The following TRPM5 variants were observed in gnomAD, a reference collection of about 807,000 sequenced individuals.
TRPM5 encodes the protein MLSN1 and TRP-related.
Under a neutral mutation model 124.9 loss-of-function variants are expected in TRPM5, and 121 were observed. The observed-to-expected ratio is 0.97, with a 90% CI of 0.84 to 1.13. TRPM5 has a LOEUF of 1.13. Among genes scored for constraint, TRPM5 ranks in the 50% most tolerant of loss-of-function variants. The pLI is 0.00. For missense variants in TRPM5, 1,643 were observed against 1,589.1 expected (o/e 1.03, Z -0.58); for synonymous variants, 781 against 700.5 (o/e 1.11, Z -1.81).
chr11:2,418,240 G>T, exon 6 of TRPM5: 1 of 1,586,138 alleles, frequency 6.3e-7, no homozygotes, highest in East Asian at 2.3e-5. Context: ...CTGCTTCTCG[G>T]CCACCTTGGG....
At chr11:2,414,137 C>T in exon 12 of TRPM5, 1 of 1,606,874 alleles carries the variant, frequency 6.2e-7, no homozygotes, top group African/African-American at 1.3e-5. Flanking sequence ...CTTGCTCCAG[C>T]AGCGGTTCCG....
chr11:2,420,425 C>T lies in TRPM5; in HGVS notation c.466-20G>A, dbSNP rs746063061. 97 of 1,586,120 alleles carry T rather than the reference C, an allele frequency of 6.1e-5. 1 individual carries two copies. The South Asian group carries it at 8.7e-4, about 14-fold the overall frequency. ...ATCCTCCTGCGCCCATGCAGGGAGA[C>T]GAGGCTGAGCCCTCGAGAGGCAGCT... On this transcript the variant is annotated intron_variant, in intron 3 of 23. Transcript: ENST00000155858.
chr11:2,414,348 C>G (rs926128309), intron 11 of TRPM5, 142 bp from the exon 17 acceptor site: 1 of 1,229,310 alleles, frequency 8.1e-7, no homozygotes, highest in Non-Finnish European at 1.1e-6. Flanking sequence ...AGGCCTTCTG[C>G]CCCCTCCGGC....
At chr11:2,433,174 G>T in the TRPM5 span, among the ~76,000 whole-genome samples, 2 of 152,358 alleles carry the variant, frequency 1.3e-5, no homozygotes, top group East Asian at 3.9e-4. Flanking sequence ...TGTGAACAGA[G>T]GTAGAGGCCG....
At chr11:2,439,808 C>T in the TRPM5 span, among the ~76,000 whole-genome samples, 1 of 152,190 alleles carries the variant, frequency 6.6e-6, no homozygotes, top group Admixed American at 6.5e-5. Context: ...CCATTTGACC[C>T]AGCAATTCCA....
chr11:2,413,300 C>A, intron 13 of TRPM5, 74 bp from the exon 19 acceptor site: 1 of 1,417,016 alleles, frequency 7.1e-7, no homozygotes, highest in Non-Finnish European at 9.4e-7. Context: ...GGCGCTTGGC[C>A]ATCAAAGTGC....
chr11:2,438,207 T>C, the TRPM5 span, among the ~76,000 whole-genome samples: 7 of 152,184 alleles, frequency 4.6e-5, no homozygotes, highest in Non-Finnish European at 7.3e-5. This position sits in a 1 kb window ranked among gnomAD's most constrained non-coding sequence, Gnocchi z 5.9. Flanking sequence ...GAGCTGTCTA[T>C]GACAAACCCA....
At chr11:2,414,153 C>T (rs760023931) in exon 12 of TRPM5, 2 of 1,609,310 alleles carry the variant, frequency 1.2e-6, no homozygotes, top group East Asian at 4.5e-5. Flanking sequence ...TTCCGGCGCA[C>T]CAGCAGGGCG....
the TRPM5 span, among the ~76,000 whole-genome samples, chr11:2,430,077 C>T: frequency 5.9e-5 from 9 of 152,096 alleles, no homozygotes; most frequent in Non-Finnish European, 1.2e-4. Flanking sequence ...AGTTCTTCCC[C>T]AGCCAACTCT....
chr11:2,420,432 G>C (rs915127821), intron 3 of TRPM5, 27 bp from the exon 9 acceptor site: 4 of 1,567,852 alleles, frequency 2.6e-6, no homozygotes, highest in Non-Finnish European at 3.5e-6. Context: ...AGACGAGGCT[G>C]AGCCCTCGAG....
exon 21 of TRPM5, chr11:2,406,758 C>T (rs753713285): frequency 2.3e-5 from 37 of 1,613,346 alleles, no homozygotes; most frequent in East Asian, 8.9e-5. Context: ...TCCCAGGTGA[C>T]GACCTTCTGG....
In TRPM5 at chr11:2,410,323, G is replaced by A. The variant is rs528259930; in HGVS notation, c.2782+1029C>T. 1.6e-4 allele frequency among the ~76,000 whole-genome samples: 24 copies of A among 152,278 alleles called. No homozygotes were observed. In the East Asian group the frequency reaches 3.9e-3, roughly 25 times the overall value. ...GTCATCCCCTCAACAAATATTTATC[G>A]AGGGTCCTGAGCGCCACTCCACAGA... On this transcript the variant is annotated intron_variant, in intron 18 of 23. Transcript: ENST00000155858.
chr11:2,413,506 G>A, exon 13 of TRPM5: 1 of 1,612,318 alleles, frequency 6.2e-7, no homozygotes, highest in Non-Finnish European at 8.5e-7. Flanking sequence ...ATAGACGAGG[G>A]CGGGGCAGAG....
intron 8 of TRPM5, 110 bp from the exon 14 acceptor site, chr11:2,415,581 G>A: frequency 1.3e-6 from 1 of 764,112 alleles, no homozygotes; most frequent in East Asian, 2.7e-5. Flanking sequence ...CATCCCCAGG[G>A]CCAGGTCACG....
intron 18 of TRPM5, chr11:2,410,593 G>T: frequency 2.3e-6 from 1 of 427,572 alleles, no homozygotes; most frequent in Non-Finnish European, 4.7e-6. Flanking sequence ...ACAGGTCCCT[G>T]CCCCACCCCA....
At chr11:2,431,682 T>C in the TRPM5 span, among the ~76,000 whole-genome samples, 1 of 152,066 alleles carries the variant, frequency 6.6e-6, no homozygotes, top group Non-Finnish European at 1.5e-5. Flanking sequence ...CACTCTTCCT[T>C]GGAGCTCCTG....
Position 2,416,199 on chromosome 11 carries a change from A to T in TRPM5, c.1010-175T>A, listed in dbSNP as rs548198600. ...ACCAGCAGGAGGCACGAGACTTTGT[A>T]CAAACCGCAGGAGAAAGCGTGCTGC... On this transcript the variant is annotated intron_variant, in intron 7 of 23. Coordinates refer to ENST00000155858, the Ensembl canonical transcript of TRPM5. Among the ~76,000 whole-genome samples, 3 of 152,358 alleles carry T rather than the reference A, an allele frequency of 2.0e-5. No individual in the cohort carries two copies. In the East Asian group the frequency reaches 5.8e-4, roughly 29 times the overall value.
At chr11:2,412,960 C>T (rs1375667958) in exon 15 of TRPM5, 2 of 1,605,976 alleles carry the variant, frequency 1.2e-6, no homozygotes, top group Non-Finnish European at 1.7e-6. Flanking sequence ...AGGAAGACAG[C>T]ACGTGGGCCT....
chr11:2,411,459 T>C, exon 18 of TRPM5: 1 of 1,612,086 alleles, frequency 6.2e-7, no homozygotes, highest in South Asian at 1.1e-5. Flanking sequence ...CAGCAGCGCC[T>C]GGGTGGTGAC....
Sources: gnomAD v4.1 joint callset for allele counts (sites outside exome capture counted in the v4.1 genomes callset) on GRCh38, gnomAD v4.1.1 for gene constraint, Gnocchi (gnomAD v3.1) non-coding constraint, MANE v1.5 for transcripts, NCBI Gene and HGNC (gene_info 2026-07-23, HGNC 2026-07-21) for gene names.